Variants in UBE2H observed in about 807,000 individuals in gnomAD.
UBE2H encodes ubiquitin conjugating enzyme E2 H.
A neutral mutation model predicts 29.0 loss-of-function variants in UBE2H; 3 were observed. The ratio of observed to expected loss-of-function variants is 0.10; its 90% CI spans 0.05 to 0.27. The LOEUF (loss-of-function observed/expected upper bound fraction) is 0.27. UBE2H is among the 10% of genes least tolerant of loss of function. The pLI, the probability that UBE2H is intolerant of heterozygous loss-of-function variation, is 1.00. For missense variants in UBE2H, 68 were observed against 228.2 expected, an observed-to-expected ratio of 0.30 and a Z score of 4.52; for synonymous variants, 69 against 82.9, an observed-to-expected ratio of 0.83 and a Z score of 0.91.
At chr7:129,874,627 G>A (rs1413467444) in intron 3 of UBE2H, among the ~76,000 whole-genome samples, 2 of 152,018 alleles carry the variant, frequency 1.3e-5, no homozygotes, top group South Asian at 2.1e-4. Flanking sequence ...TTTATTAGAA[G>A]ACTTTTATAT....
chr7:129,870,584 C>G (rs2727491), intron 3 of UBE2H, among the ~76,000 whole-genome samples: 105,155 of 151,812 alleles, frequency 0.69, 37,426 homozygotes, highest in East Asian at 0.92. Context: ...CATGTCTTCA[C>G]AGCGGTGTAT....
Position 129,830,966 on chromosome 7 carries a change from A to G in UBE2H, c.*3971T>C, listed in dbSNP as rs1406874578. 2 of 151,676 alleles carry G rather than the reference A, an allele frequency of 1.3e-5. No homozygotes were observed. Among genetic ancestry groups the G allele is most frequent in the Non-Finnish European group, 2.9e-5 (2 of 67,958 alleles). 9.4% of individuals were successfully genotyped at this position (151,676 alleles called of 1,614,324 possible). A position where few individuals can be genotyped will look rare whatever the true frequency, so the allele number is the denominator to read the frequency against. On this transcript the variant is annotated 3_prime_UTR_variant, in exon 7 of 7. Coordinates refer to ENST00000355621, the MANE Select transcript of UBE2H (RefSeq NM_003344.4). ...TCCCTTTTATCTTTTCAAGTATCAC[A>G]CAATATGTACCAAATACAATCTGTA...
In UBE2H at chr7:129,855,924, A is replaced by C. The variant is rs145781717; in HGVS notation, c.298+1587T>G. 1.6e-3 allele frequency among the ~76,000 whole-genome samples: 244 copies of C among 152,272 alleles called. 1 individual carries two copies. The highest frequency in any genetic ancestry group is 5.5e-3 in the African/African-American group (228 of 41,554). The stretch of plus-strand genomic sequence containing the variant: ...TGTATTAAAAAATAATTTTAAAATT[A>C]AAAAATATATATACAACTGGGTGCT... On this transcript the variant is annotated intron_variant, in intron 5 of 6. Transcript: ENST00000355621.
chr7:129,915,254 C>T (rs1289425512), intron 1 of UBE2H, among the ~76,000 whole-genome samples: 3 of 152,022 alleles, frequency 2.0e-5, no homozygotes, highest in Non-Finnish European at 4.4e-5. Flanking sequence ...ATACTAAATA[C>T]AGCCGGGCGC....
chr7:129,928,280 CAAAAAAACAAAA>C (rs1315363204), intron 1 of UBE2H, among the ~76,000 whole-genome samples: 1 of 151,012 alleles, frequency 6.6e-6, no homozygotes, highest in African/African-American at 2.4e-5. Context: ...GTCTCTGTCT[CAAAAAAACAAAA>C]ATAAAAACAA....
intron 4 of UBE2H, 95 bp from the exon 5 acceptor site, chr7:129,857,658 C>G (rs718925): frequency 7.7e-6 from 10 of 1,292,974 alleles, no homozygotes; most frequent in Middle Eastern, 2.0e-4. Context: ...AGAAATACTT[C>G]TAATAGATCT....
At chr7:129,851,204 A>G (rs1805603318) in intron 5 of UBE2H, among the ~76,000 whole-genome samples, 1 of 152,250 alleles carries the variant, frequency 6.6e-6, no homozygotes, top group Non-Finnish European at 1.5e-5. Context: ...TTGTTCATCA[A>G]AAACACTGCT....
At position 129,893,391 on chromosome 7, in the gene UBE2H, T is replaced by C. The variant is rs566191736; in HGVS notation, c.54-12420A>G. On this transcript the variant is annotated intron_variant, in intron 1 of 6. Coordinates refer to ENST00000355621, the MANE Select transcript of UBE2H (RefSeq NM_003344.4). ...ATTTTCAAAGAAAAATTAAGACTCA[T>C]AGAAACATTTTAAGACAGGTTTATC... Among the ~76,000 whole-genome samples, 14 of 152,298 alleles carry C rather than the reference T, an allele frequency of 9.2e-5. 1 individual carries two copies. In the South Asian group the frequency reaches 2.5e-3, roughly 27 times the overall value.
rs1037670207 is a variant in UBE2H at position 129,900,954 on chromosome 7, G to T, written c.54-19983C>A. ...TTTAGTAGAGAAGGGGTTTCACCGT[G>T]TTAGCCAGGATGGTCTCCATCTCCT... is the stretch of plus-strand genomic sequence containing the variant. On this transcript the variant is annotated intron_variant, in intron 1 of 6. Transcript: ENST00000355621. Among the ~76,000 whole-genome samples the T allele has an allele frequency of 2.0e-5, 3 of 152,036 alleles. 1 individual carries two copies. In the East Asian group the frequency reaches 5.8e-4, roughly 29 times the overall value.
intron 6 of UBE2H, among the ~76,000 whole-genome samples, chr7:129,836,651 G>A (rs561684115): frequency 1.1e-4 from 16 of 152,190 alleles, no homozygotes; most frequent in South Asian, 4.1e-4. Flanking sequence ...AGGCCAAGGC[G>A]GGTATATCAC....
At chr7:129,835,513 G>T (rs981559022) in intron 6 of UBE2H, among the ~76,000 whole-genome samples, 2 of 152,098 alleles carry the variant, frequency 1.3e-5, no homozygotes, top group African/African-American at 4.8e-5. Context: ...TTTAGGAATC[G>T]ATTTTAGTCT....
chr7:129,860,266 G>A (rs1229016376), intron 3 of UBE2H, among the ~76,000 whole-genome samples: 1 of 152,148 alleles, frequency 6.6e-6, no homozygotes, highest in Non-Finnish European at 1.5e-5. Flanking sequence ...TAAATGCTCT[G>A]TGTTGAAACA....
chr7:129,861,579 A>G (rs945308622), intron 3 of UBE2H, among the ~76,000 whole-genome samples: 5 of 152,200 alleles, frequency 3.3e-5, no homozygotes, highest in African/African-American at 9.6e-5. Flanking sequence ...GAGCTTAAAA[A>G]AACTCCGAAA....
intron 1 of UBE2H, among the ~76,000 whole-genome samples, chr7:129,912,398 A>G (rs1806955123): frequency 6.6e-6 from 1 of 152,222 alleles, no homozygotes; most frequent in East Asian, 1.9e-4. Context: ...CTTTCTTTTT[A>G]AAGAGATGGG....
Position 129,833,446 on chromosome 7 carries a change from G to T in UBE2H, c.*1491C>A, listed in dbSNP as rs1466687110. 6.6e-6 allele frequency: 1 copy of T among 152,200 alleles called. No homozygotes were observed. The highest frequency in any genetic ancestry group is 1.5e-5 in the Non-Finnish European group (1 of 68,038). 9.4% of individuals were successfully genotyped at this position (152,200 alleles called of 1,614,324 possible). A position where few individuals can be genotyped will look rare whatever the true frequency, so the allele number is the denominator to read the frequency against. ...TGCGGCAAAAAAAGAACACAGAGCT[G>T]CTGTCTAAAATTTCTCCAAACTCCC... On this transcript the variant is annotated 3_prime_UTR_variant, in exon 7 of 7. Coordinates refer to ENST00000355621, the MANE Select transcript of UBE2H (RefSeq NM_003344.4).
At chr7:129,929,383 G>A (rs541933089) in intron 1 of UBE2H, among the ~76,000 whole-genome samples, 2 of 150,858 alleles carry the variant, frequency 1.3e-5, no homozygotes, top group Admixed American at 6.6e-5. Context: ...GAACTGAACT[G>A]CTATCCAGTA....
At chr7:129,899,933 G>A (rs1442533817) in intron 1 of UBE2H, among the ~76,000 whole-genome samples, 1 of 152,066 alleles carries the variant, frequency 6.6e-6, no homozygotes, top group African/African-American at 2.4e-5. Context: ...TACGAGACCA[G>A]CCTAGCCAAT....
At chr7:129,926,246 A>G (rs528987391) in intron 1 of UBE2H, among the ~76,000 whole-genome samples, 34 of 152,098 alleles carry the variant, frequency 2.2e-4, no homozygotes, top group Non-Finnish European at 4.6e-4. Context: ...ACAGTGGCTC[A>G]TGCCTGTAAT....
chr7:129,952,479 C>A (rs759680777), intron 1 of UBE2H, 24 bp downstream of exon 1: 1 of 1,611,124 alleles, frequency 6.2e-7, no homozygotes, highest in South Asian at 1.1e-5. Context: ...ACACACAGCC[C>A]GAATTCCCCT....
Sources: allele counts gnomAD v4.1 joint callset (sites outside exome capture counted in the v4.1 genomes callset), GRCh38; gene constraint gnomAD v4.1.1; transcripts MANE v1.5; gene names NCBI Gene and HGNC (gene_info 2026-07-23, HGNC 2026-07-21).